Variants in RYR1 observed in about 807,000 individuals in gnomAD.
RYR1 encodes central core disease of muscle.
Under a neutral mutation model 583.5 loss-of-function variants are expected in RYR1, and 342 were observed. The ratio of observed to expected loss-of-function variants is 0.59; its 90% CI spans 0.54 to 0.64. RYR1 has a LOEUF of 0.64. Among genes scored for constraint, RYR1 ranks in the 30% least tolerant of loss-of-function variants. The probability of loss-of-function intolerance (pLI) is 0.00; values close to 1 mark genes in which losing one functional copy is unlikely to be tolerated. For synonymous variants in RYR1, 2,791 were observed against 2,822.5 expected, an observed-to-expected ratio of 0.99 and a Z score of 0.35; for missense variants, 6,032 against 6,917.2, an observed-to-expected ratio of 0.87 and a Z score of 4.54.
Position 38,492,648 on chromosome 19 carries a change from G to A in RYR1, c.6274+12G>A, listed in dbSNP as rs1485919919. 5 of 1,601,252 alleles carry A rather than the reference G, an allele frequency of 3.1e-6. No individual in the cohort carries two copies. Among genetic ancestry groups the A allele is most frequent in the Non-Finnish European group, 4.3e-6 (5 of 1,173,516 alleles). ...GGAGAGCAAACCCCGTGAGGACTGG[G>A]GTCACTGGGGAGAGGGCAGGGGTGG... On this transcript the variant is annotated intron_variant, in intron 38 of 105. Transcript: ENST00000359596.
chr19:38,466,024 C>A, intron 23 of RYR1, 67 bp from the exon 24 acceptor site: 1 of 1,450,276 alleles, frequency 6.9e-7, no homozygotes, highest in East Asian at 2.4e-5. Flanking sequence ...GTCAGGGATC[C>A]CATATAGTGC....
intron 94 of RYR1, 136 bp downstream of exon 94, chr19:38,570,829 G>C (rs1202242525): frequency 1.3e-6 from 1 of 771,134 alleles, no homozygotes; most frequent in Admixed American, 2.0e-5. Context: ...GGAGGGTTCA[G>C]GCTGGACACC....
intron 19 of RYR1, 21 bp downstream of exon 19, chr19:38,459,359 C>T (rs1451605690): frequency 5.6e-6 from 9 of 1,611,826 alleles, no homozygotes; most frequent in Middle Eastern, 3.3e-4. Flanking sequence ...GCCCCCACCC[C>T]ACGGCCAGTC....
rs2145918040 is a variant in RYR1, at chr19:38,586,126, C to T, written c.14904C>T (p.Tyr4968=). The T allele has an allele frequency of 6.2e-7, 1 of 1,614,156 alleles. No individual in the cohort carries two copies. The highest frequency in any genetic ancestry group is 1.7e-5 in the Admixed American group (1 of 59,994). ...TCATCTGTGGAATCGGCAGTGACTA[C>T]TTTGATACGACACCGCATGGCTTCG... The part of the protein sequence containing the change: ...KCFICGIGSD[Y]FDTTPHGFET... Residue 4968 remains tyrosine, a synonymous_variant, in exon 104 of 106, where the codon TAC becomes TAT. Coordinates refer to ENST00000359596, the MANE Select transcript of RYR1 (RefSeq NM_000540.3).
At chr19:38,514,710 G>A (rs946655246) in intron 63 of RYR1, among the ~76,000 whole-genome samples, 5 of 152,116 alleles carry the variant, frequency 3.3e-5, no homozygotes, top group African/African-American at 1.2e-4. Flanking sequence ...TCCTCTCCAC[G>A]GAAGAAACAA....
chr19:38,583,477 CAA>C (rs11325385), intron 101 of RYR1, among the ~76,000 whole-genome samples: 2,740 of 135,258 alleles, frequency 0.02, 63 homozygotes, highest in African/African-American at 0.063. Flanking sequence ...GACTCTGTCT[CAA>C]AAAAAAAAAA....
chr19:38,564,976 C>T lies in RYR1; in HGVS notation c.12642C>T (p.Arg4214=), dbSNP rs760363531. ...CGCTTCAGGTGAAGGAGTCCAAGCG[C>T]CAGTTCATCTTCGACGTGGTGAACG... ...WEMPQVKESK[R]QFIFDVVNEG... is the part of the protein sequence containing the mutation. Residue 4214 remains arginine (R), a synonymous_variant, in exon 91 of 106, where the codon CGC becomes CGT. Transcript: ENST00000359596. 12 of 1,588,698 alleles carry T rather than the reference C, an allele frequency of 7.6e-6. No individual in the cohort carries two copies. The East Asian group carries it at 2.3e-4, about 30-fold the overall frequency.
intron 89 of RYR1, among the ~76,000 whole-genome samples, chr19:38,556,697 A>T (rs1443578110): frequency 6.6e-6 from 1 of 152,016 alleles, no homozygotes; most frequent in Admixed American, 6.6e-5. Flanking sequence ...GCCATAATCA[A>T]TCTAAAAAAT....
intron 47 of RYR1, 49 bp from the exon 48 acceptor site, chr19:38,502,458 C>T (rs1181643464): frequency 3.9e-6 from 6 of 1,541,950 alleles, no homozygotes; most frequent in Admixed American, 1.8e-5. Context: ...GGTGCCAGAG[C>T]AGCCCCAGGG....
chr19:38,461,450 CAAAG>C (rs1354777807), intron 20 of RYR1, among the ~76,000 whole-genome samples: 1 of 151,816 alleles, frequency 6.6e-6, no homozygotes, highest in Non-Finnish European at 1.5e-5. Flanking sequence ...CACTGCCCCA[CAAAG>C]AAAGGGTGGC....
At chr19:38,579,000 A>G (rs924008221) in intron 99 of RYR1, among the ~76,000 whole-genome samples, 5 of 152,096 alleles carry the variant, frequency 3.3e-5, no homozygotes, top group Non-Finnish European at 7.4e-5. Context: ...GCACACCTGT[A>G]GTCCCAGCCA....
intron 81 of RYR1, 55 bp downstream of exon 81, chr19:38,535,447 C>A: frequency 7.7e-7 from 1 of 1,291,624 alleles, no homozygotes; most frequent in Non-Finnish European, 1.1e-6. Context: ...ACTGCCACCC[C>A]ACTCCTGGTA....
At chr19:38,531,620 A>G (rs1971743999) in intron 76 of RYR1, among the ~76,000 whole-genome samples, 1 of 152,094 alleles carries the variant, frequency 6.6e-6, no homozygotes, top group Admixed American at 6.6e-5. Flanking sequence ...TGCCTCCACC[A>G]TTAGCTCCAG....
chr19:38,519,461 G>T lies in RYR1; in HGVS notation c.10259+7G>T. ...GCTACGTGGACAACAACAGGTCAGCGGGGCCCCGCTGTCCCCATGCCCTCC... is the reference window on the plus strand; with the variant it reads ...GCTACGTGGACAACAACAGGTCAGCTGGGCCCCGCTGTCCCCATGCCCTCC... On this transcript the variant is annotated splice_region_variant and intron_variant, in intron 67 of 105. Coordinates refer to ENST00000359596, the MANE Select transcript of RYR1 (RefSeq NM_000540.3). The T allele has an allele frequency of 6.3e-7, 1 of 1,587,796 alleles. No homozygotes were observed. The highest frequency in any genetic ancestry group is 1.8e-5 in the Admixed American group (1 of 57,076).
Position 38,565,228 on chromosome 19 carries a change from G to C in RYR1, c.12894G>C (p.Val4298=), listed in dbSNP as rs1265471638. Residue 4298 remains valine, a synonymous_variant, in exon 91 of 106, where the codon GTG becomes GTC. Transcript: ENST00000359596. The surrounding 1 kb of genome is among the most constrained non-coding windows in gnomAD (Gnocchi z 4.7). ...TAAAGATARV[V]AAAGRALRGL... ...CGGCGGGGGCGACGGCGCGGGTTGT[G>C]GCGGCCGCAGGCCGGGCCCTGCGAG... is the stretch of plus-strand genomic sequence containing the variant. 1 of 989,524 alleles carries C rather than the reference G, an allele frequency of 1.0e-6. No individual in the cohort carries two copies. The highest frequency in any genetic ancestry group is 1.2e-6 in the Non-Finnish European group (1 of 834,240). The allele number at this position is 989,524 out of a possible 1,614,324, so 61.3% of individuals were successfully genotyped here.
At chr19:38,471,316 C>A (rs1253213180) in intron 27 of RYR1, among the ~76,000 whole-genome samples, 1 of 152,008 alleles carries the variant, frequency 6.6e-6, no homozygotes, top group African/African-American at 2.4e-5. Context: ...ATCACTTGAG[C>A]CTAGGAATTC....
Position 38,459,301 on chromosome 19 carries a change from C to T in RYR1, c.2323C>T (p.Leu775Phe). The T allele has an allele frequency of 6.2e-7, 1 of 1,614,094 alleles. No individual in the cohort carries two copies. Among genetic ancestry groups the T allele is most frequent in the East Asian group, 2.2e-5 (1 of 44,874 alleles). ...GVFESFNLDG[L>F]FFPVVSFSAG... ...CTTTGAGTCCTTCAACCTGGACGGG[C>T]TCTTCTTCCCTGTTGTCAGCTTCTC... is the stretch of plus-strand genomic sequence containing the variant. The change falls in exon 19 of 106, where the codon CTC becomes TTC. Residue 775 changes from leucine (L) to phenylalanine (F), a missense_variant. This residue lies in a region of RYR1 where 2,627 missense variants were observed against 2,961.3 expected (regional missense o/e 0.89). Transcript: ENST00000359596.
chr19:38,510,085 T>C (rs1164356375), intron 58 of RYR1, among the ~76,000 whole-genome samples: 5 of 151,862 alleles, frequency 3.3e-5, no homozygotes, highest in Non-Finnish European at 7.4e-5. Flanking sequence ...CATTGGGAGG[T>C]TGAGGCGGGT....
intron 27 of RYR1, among the ~76,000 whole-genome samples, chr19:38,470,297 G>A (rs1968354018): frequency 6.6e-6 from 1 of 151,592 alleles, no homozygotes; most frequent in African/African-American, 2.4e-5. Flanking sequence ...ACTTAGCTGG[G>A]TGCTGTGGCA....
Sources: gnomAD v4.1 joint callset for allele counts (sites outside exome capture counted in the v4.1 genomes callset) on GRCh38, gnomAD v4.1.1 for gene constraint, gnomAD v4.1.1 regional missense constraint, Gnocchi (gnomAD v3.1) non-coding constraint, MANE v1.5 for transcripts, NCBI Gene and HGNC (gene_info 2026-07-23, HGNC 2026-07-21) for gene names.